Variants in RBFOX1 observed in about 807,000 individuals in gnomAD.
RBFOX1 encodes RNA binding fox-1 homolog 1, also known as RNA binding protein fox-1 homolog 1.
In RBFOX1, 8 loss-of-function variants were observed where a neutral mutation model predicts 57.7. The ratio of observed to expected loss-of-function variants is 0.14; its 90% CI spans 0.08 to 0.25. The LOEUF is 0.25. RBFOX1 is among the 10% of genes least tolerant of loss of function. The probability of loss-of-function intolerance (pLI) is 1.00; values close to 1 mark genes in which losing one functional copy is unlikely to be tolerated. For missense variants in RBFOX1, 611 were observed against 548.5 expected (o/e 1.11, Z -1.14); for synonymous variants, 326 against 222.4 (o/e 1.47, Z -4.15).
intron 3 of RBFOX1, among the ~76,000 whole-genome samples, chr16:5,705,955 C>T (rs549087323): frequency 2.0e-4 from 30 of 152,236 alleles, no homozygotes; most frequent in Admixed American, 4.6e-4. Context: ...CTGTTGCCCA[C>T]GATGGAGTGC....
chr16:5,410,945 A>G (rs2067005439), intron 1 of RBFOX1, among the ~76,000 whole-genome samples: 1 of 152,232 alleles, frequency 6.6e-6, no homozygotes, highest in Non-Finnish European at 1.5e-5. Context: ...ACTGGGGATC[A>G]TGAAAGCACT....
chr16:7,705,962 C>T (rs2082297768), intron 14 of RBFOX1, among the ~76,000 whole-genome samples: 1 of 152,122 alleles, frequency 6.6e-6, no homozygotes, highest in Non-Finnish European at 1.5e-5. Context: ...TGGAGGATGA[C>T]CATATAGCTG....
intron 1 of RBFOX1, among the ~76,000 whole-genome samples, chr16:6,068,399 T>G (rs2095794526): frequency 6.6e-6 from 1 of 152,188 alleles, no homozygotes; most frequent in South Asian, 2.1e-4. Context: ...ATACAAAGGC[T>G]GGAGTGTATC....
rs59519427 is a variant in RBFOX1 at position 7,096,931 on chromosome 16, CA to C, written c.27+44854del. ...TGGGTGACAGAGCGAGACTCCATCTCAAAAAAAAAAAAAAAAAAAAAGGACT... is the reference window on the plus strand; with the variant it reads ...TGGGTGACAGAGCGAGACTCCATCTCAAAAAAAAAAAAAAAAAAAAGGACT... On this transcript the variant is annotated intron_variant, in intron 4 of 15. Coordinates refer to ENST00000550418, the MANE Select transcript of RBFOX1 (RefSeq NM_018723.4). Among the ~76,000 whole-genome samples the C allele has an allele frequency of 7.7e-4, 53 of 69,108 alleles. 1 individual carries two copies. The highest frequency in any genetic ancestry group is 1.8e-3 in the African/African-American group (32 of 17,406). The allele number at this position is 69,108 out of a possible 152,430, so 45.3% of individuals were successfully genotyped here.
chr16:6,239,430 G>A (rs760113938), intron 1 of RBFOX1, among the ~76,000 whole-genome samples: 15 of 146,446 alleles, frequency 1.0e-4, no homozygotes, highest in South Asian at 6.8e-4. Context: ...ACTCATGGCA[G>A]AATTGTTAAT....
chr16:7,057,606 A>G (rs2052766487), intron 4 of RBFOX1, among the ~76,000 whole-genome samples: 1 of 152,200 alleles, frequency 6.6e-6, no homozygotes, highest in African/African-American at 2.4e-5. Flanking sequence ...ACTCTGGGCC[A>G]GTTGGATCTG....
intron 3 of RBFOX1, among the ~76,000 whole-genome samples, chr16:6,898,120 C>G (rs1334631961): frequency 1.3e-5 from 2 of 152,196 alleles, no homozygotes; most frequent in Non-Finnish European, 2.9e-5. Flanking sequence ...ACACCATATT[C>G]AGGACCAATC....
At chr16:6,415,103 C>A (rs802322) in intron 2 of RBFOX1, among the ~76,000 whole-genome samples, 74,919 of 151,288 alleles carry the variant, frequency 0.5, 18,657 homozygotes, top group East Asian at 0.54. Context: ...ATTAGCTGGG[C>A]GTGGTGGCAT....
intron 1 of RBFOX1, among the ~76,000 whole-genome samples, chr16:6,143,920 T>C (rs1381462135): frequency 6.6e-6 from 1 of 151,378 alleles, no homozygotes; most frequent in Non-Finnish European, 1.5e-5. Flanking sequence ...ATCAGTGTCC[T>C]CAGTAGCTGG....
At chr16:5,717,867 C>T (rs996295024) in intron 3 of RBFOX1, among the ~76,000 whole-genome samples, 3 of 152,194 alleles carry the variant, frequency 2.0e-5, no homozygotes, top group Non-Finnish European at 2.9e-5. Flanking sequence ...CATCTGTTTA[C>T]AGATGAGAAA....
At chr16:7,458,709 C>T (rs2059001229) in intron 4 of RBFOX1, among the ~76,000 whole-genome samples, 1 of 152,030 alleles carries the variant, frequency 6.6e-6, no homozygotes, top group African/African-American at 2.4e-5. Flanking sequence ...TTCACTCCCT[C>T]TCCTCCTTCT....
At chr16:6,687,523 C>G (rs147168040) in intron 3 of RBFOX1, among the ~76,000 whole-genome samples, 1 of 152,318 alleles carries the variant, frequency 6.6e-6, no homozygotes, top group East Asian at 1.9e-4. Flanking sequence ...GTCTGTGCTT[C>G]AGTAACAAAC....
At chr16:7,497,404 T>G (rs578175152) in intron 4 of RBFOX1, among the ~76,000 whole-genome samples, 1 of 152,288 alleles carries the variant, frequency 6.6e-6, no homozygotes, top group Admixed American at 6.5e-5. Context: ...TTAAGAAGCA[T>G]TTGATACCTC....
rs112404955 is a variant in RBFOX1 at position 6,131,628 on chromosome 16, A to G, written c.-127+111636A>G. ...AAGTTGCGGAATTGCTCCTTTCAAG[A>G]TTCACCATATCAACATAGTAGCTAC... is the stretch of plus-strand genomic sequence containing the variant. On this transcript the variant is annotated intron_variant, in intron 1 of 15. Transcript: ENST00000550418. 9.8e-4 allele frequency among the ~76,000 whole-genome samples: 150 copies of G among 152,322 alleles called. 1 individual carries two copies. The highest frequency in any genetic ancestry group is 3.4e-3 in the African/African-American group (142 of 41,588).
chr16:7,021,626 A>G (rs111585186), intron 3 of RBFOX1, among the ~76,000 whole-genome samples: 1 of 147,246 alleles, frequency 6.8e-6, no homozygotes, highest in Non-Finnish European at 1.5e-5. Flanking sequence ...AATATTTTAT[A>G]AATTATATAA....
chr16:5,408,460 A>G (rs2066922382), intron 1 of RBFOX1, among the ~76,000 whole-genome samples: 1 of 152,050 alleles, frequency 6.6e-6, no homozygotes, highest in Non-Finnish European at 1.5e-5. Flanking sequence ...TGAAGTCTGC[A>G]CTCTGTGCTG....
chr16:7,667,624 C>T (rs189796644), intron 13 of RBFOX1, among the ~76,000 whole-genome samples: 26 of 152,266 alleles, frequency 1.7e-4, no homozygotes, highest in Admixed American at 9.8e-4. Flanking sequence ...CAATTGTCAG[C>T]GGCCCCGGGA....
chr16:6,917,804 G>A (rs114136327), intron 3 of RBFOX1, among the ~76,000 whole-genome samples: 1 of 152,148 alleles, frequency 6.6e-6, no homozygotes, highest in African/African-American at 2.4e-5. Flanking sequence ...CAGACCTTCA[G>A]CTGCCTCTTA....
intron 1 of RBFOX1, among the ~76,000 whole-genome samples, chr16:6,209,333 T>C (rs2097276743): frequency 6.6e-6 from 1 of 152,222 alleles, no homozygotes; most frequent in South Asian, 2.1e-4. Flanking sequence ...CTGGGTTGTG[T>C]GTGTTTCTTC....
Sources: gnomAD v4.1 joint callset for allele counts (sites outside exome capture counted in the v4.1 genomes callset) on GRCh38, gnomAD v4.1.1 for gene constraint, MANE v1.5 for transcripts, NCBI Gene and HGNC (gene_info 2026-07-23, HGNC 2026-07-21) for gene names.